PCNX2: variants seen among roughly 807,000 people sequenced by gnomAD.
The protein encoded by PCNX2 is pecanex 2, also known as pecanex-like protein 2.
A neutral mutation model predicts 223.8 loss-of-function variants in PCNX2; 168 were observed. The observed-to-expected ratio is 0.75, with a 90% CI of 0.66 to 0.85. The LOEUF is 0.85. PCNX2 is among the 40% of genes least tolerant of loss of function. PCNX2 has a pLI of 0.00. For synonymous variants in PCNX2, 1,006 were observed against 1,052.6 expected, an observed-to-expected ratio of 0.96 and a Z score of 0.86; for missense variants, 2,507 against 2,675.5, an observed-to-expected ratio of 0.94 and a Z score of 1.39.
At chr1:233,173,520 C>A (rs904720066) in intron 17 of PCNX2, among the ~76,000 whole-genome samples, 13 of 152,314 alleles carry the variant, frequency 8.5e-5, no homozygotes, top group South Asian at 4.1e-4. Flanking sequence ...ATGCTTCTTT[C>A]TCAAGTTTTT....
intron 9 of PCNX2, among the ~76,000 whole-genome samples, chr1:233,229,120 T>G (rs751347864): frequency 1.3e-5 from 2 of 152,218 alleles, no homozygotes; most frequent in Non-Finnish European, 2.9e-5. Flanking sequence ...GATGTCAAAG[T>G]GCCTGGCATG....
At chr1:232,995,202 C>T (rs1669837404) in intron 32 of PCNX2, among the ~76,000 whole-genome samples, 1 of 152,262 alleles carries the variant, frequency 6.6e-6, no homozygotes, top group Middle Eastern at 3.4e-3. Context: ...GGCAGCAAGG[C>T]AGGTGAGTTC....
chr1:233,220,907 G>A (rs1233640758), intron 10 of PCNX2, among the ~76,000 whole-genome samples: 1 of 152,080 alleles, frequency 6.6e-6, no homozygotes, highest in African/African-American at 2.4e-5. Flanking sequence ...AGAGATGATT[G>A]ATTGATAGAT....
intron 28 of PCNX2, among the ~76,000 whole-genome samples, chr1:233,004,399 G>A (rs1326967493): frequency 6.6e-6 from 1 of 152,086 alleles, no homozygotes; most frequent in Non-Finnish European, 1.5e-5. Flanking sequence ...GGATGAACCT[G>A]GGGAGTAGGT....
chr1:233,233,876 C>A (rs950282733), intron 9 of PCNX2, among the ~76,000 whole-genome samples: 1 of 152,038 alleles, frequency 6.6e-6, no homozygotes, highest in Admixed American at 6.6e-5. Context: ...CACCTCCAGG[C>A]CCCTTTGGCC....
intron 13 of PCNX2, chr1:233,202,004 T>C (rs1368152276): frequency 3.0e-6 from 1 of 330,372 alleles, no homozygotes; most frequent in Non-Finnish European, 6.2e-6. Context: ...ATGCACTAGA[T>C]CCTCTCCAAA....
At chr1:233,177,730 T>A (rs1679560072) in intron 17 of PCNX2, 72 bp downstream of exon 17, 2 of 1,304,370 alleles carry the variant, frequency 1.5e-6, no homozygotes, top group South Asian at 2.5e-5. Flanking sequence ...TGCCTAGAGC[T>A]CCATTGAGAG....
chr1:233,000,012 T>G lies in PCNX2; in HGVS notation c.5328+293A>C, dbSNP rs1163698619. 6.6e-6 allele frequency among the ~76,000 whole-genome samples: 1 copy of G among 152,234 alleles called. No homozygotes were observed. Among genetic ancestry groups the G allele is most frequent in the Non-Finnish European group, 1.5e-5 (1 of 68,030 alleles). On this transcript the variant is annotated intron_variant, in intron 30 of 33. Coordinates refer to ENST00000258229, the MANE Select transcript of PCNX2 (RefSeq NM_014801.4). This position sits in a 1 kb window ranked among gnomAD's most constrained non-coding sequence, Gnocchi z 4.6. ...GAATAAAAAGTCTTTACAAATAAGC[T>G]ATATCCTGACTCTCACTTACATGTG...
chr1:233,043,998 G>A (rs1475429375), intron 25 of PCNX2, among the ~76,000 whole-genome samples: 1 of 151,568 alleles, frequency 6.6e-6, no homozygotes, highest in East Asian at 2.0e-4. Flanking sequence ...CTTCCACAAG[G>A]GTTGAACTAG....
In PCNX2 at chr1:232,991,406, G is replaced by A. The variant is rs559135779; in HGVS notation, c.5792-4866C>T. ...GAGAAGGGAGAGAAGGCGTGAGAGAGAGAGCAGACCAGATGGGGGCCTGCG... is the reference window on the plus strand; with the variant it reads ...GAGAAGGGAGAGAAGGCGTGAGAGAAAGAGCAGACCAGATGGGGGCCTGCG... On this transcript the variant is annotated intron_variant, in intron 32 of 33. Coordinates refer to ENST00000258229, the MANE Select transcript of PCNX2 (RefSeq NM_014801.4). The surrounding 1 kb of genome is among the most constrained non-coding windows in gnomAD (Gnocchi z 4.3). 1.1e-4 allele frequency among the ~76,000 whole-genome samples: 17 copies of A among 152,210 alleles called. 1 individual carries two copies. In the South Asian group the frequency reaches 3.5e-3, roughly 32 times the overall value.
intron 1 of PCNX2, among the ~76,000 whole-genome samples, chr1:233,276,457 G>A (rs1456320376): frequency 1.3e-5 from 2 of 152,132 alleles, no homozygotes; most frequent in African/African-American, 4.8e-5. Context: ...ACACTTAAAG[G>A]TGGTTATGAT....
Position 233,205,470 on chromosome 1 carries a change from G to T in PCNX2, c.2863+3048C>A, listed in dbSNP as rs555317073. Among the ~76,000 whole-genome samples the T allele has an allele frequency of 8.2e-4, 125 of 152,262 alleles. 1 individual carries two copies. The South Asian group carries it at 0.015, about 18-fold the overall frequency. Reference sequence around the variant, plus strand: ...GCACTTTGAGAGGCCAAGGCGGGTGGATCACCTGAGGTCAGGAGTTCGAAA... The same window carrying T: ...GCACTTTGAGAGGCCAAGGCGGGTGTATCACCTGAGGTCAGGAGTTCGAAA... On this transcript the variant is annotated intron_variant, in intron 13 of 33. Transcript: ENST00000258229.
At chr1:233,036,413 T>C (rs1325530749) in intron 25 of PCNX2, among the ~76,000 whole-genome samples, 3 of 152,172 alleles carry the variant, frequency 2.0e-5, no homozygotes, top group Non-Finnish European at 4.4e-5. Flanking sequence ...GTGGATCACC[T>C]GAGGTCAGGA....
At chr1:233,323,555 C>G in the PCNX2 span, among the ~76,000 whole-genome samples, 1 of 152,166 alleles carries the variant, frequency 6.6e-6, no homozygotes, top group Non-Finnish European at 1.5e-5. Context: ...GCAATTATCA[C>G]AATATTTCAA....
chr1:233,096,220 C>T (rs1674156105), intron 21 of PCNX2, among the ~76,000 whole-genome samples: 1 of 152,172 alleles, frequency 6.6e-6, no homozygotes, highest in South Asian at 2.1e-4. Context: ...CATCATTTGA[C>T]ATTGTTGAGG....
chr1:233,213,194 T>C (rs888020748), intron 12 of PCNX2, among the ~76,000 whole-genome samples: 1 of 152,174 alleles, frequency 6.6e-6, no homozygotes, highest in Non-Finnish European at 1.5e-5. Context: ...CCTCACCCTA[T>C]ATATTTTTTT....
In PCNX2 at chr1:233,217,901, G is replaced by A. The variant is rs1657076974; in HGVS notation, c.2689C>T (p.His897Tyr). ...CTTGCCTGTATTTGGAAACTTACGT[G>A]TATTGGTGAGGCGGGGTCAGGCTGA... ...SVQPDPASPI[H>Y]GHNQIITYSR... The change falls in exon 12 of 34, where the codon CAC (histidine) becomes TAC (tyrosine). Residue 897 changes from histidine to tyrosine, a missense_variant and splice_region_variant. This residue lies in a region of PCNX2 where 104 missense variants were observed against 144.4 expected (regional missense o/e 0.72). Coordinates refer to ENST00000258229, the MANE Select transcript of PCNX2 (RefSeq NM_014801.4). 4 of 1,613,928 alleles carry A rather than the reference G, an allele frequency of 2.5e-6. No homozygotes were observed. The African/African-American group carries it at 5.3e-5, about 22-fold the overall frequency.
intron 1 of PCNX2, among the ~76,000 whole-genome samples, chr1:233,264,534 GGAA>G (rs1351285811): frequency 3.9e-5 from 6 of 152,054 alleles, no homozygotes; most frequent in Non-Finnish European, 8.8e-5. Flanking sequence ...AAAAGAAAGA[GGAA>G]GATGATCAAC....
chr1:233,097,011 A>G (rs1212715467), intron 21 of PCNX2, among the ~76,000 whole-genome samples: 1 of 152,200 alleles, frequency 6.6e-6, no homozygotes, highest in Non-Finnish European at 1.5e-5. Flanking sequence ...GTCTCTACTG[A>G]TTCTCATAAA....
Sources: allele counts gnomAD v4.1 joint callset (sites outside exome capture counted in the v4.1 genomes callset), GRCh38; gene constraint gnomAD v4.1.1; regional missense constraint gnomAD v4.1.1; non-coding constraint Gnocchi (gnomAD v3.1); transcripts MANE v1.5; gene names NCBI Gene and HGNC (gene_info 2026-07-23, HGNC 2026-07-21).